Variants in NEK1 observed in about 807,000 individuals in gnomAD.
NEK1 encodes the protein serine/threonine-protein kinase Nek1.
In NEK1, 137 loss-of-function variants were observed where a neutral mutation model predicts 182.1. The ratio of observed to expected loss-of-function variants is 0.75; its 90% CI spans 0.65 to 0.87. The LOEUF (loss-of-function observed/expected upper bound fraction) is 0.87. NEK1 is among the 40% of genes least tolerant of loss of function. The pLI is 0.00. For synonymous variants in NEK1, 513 were observed against 492.2 expected, an observed-to-expected ratio of 1.04 and a Z score of -0.56; for missense variants, 1,391 against 1,494.4, an observed-to-expected ratio of 0.93 and a Z score of 1.14.
intron 26 of NEK1, among the ~76,000 whole-genome samples, chr4:169,470,518 G>T (rs531464401): frequency 6.6e-6 from 1 of 152,326 alleles, no homozygotes; most frequent in African/African-American, 2.4e-5. Flanking sequence ...CCCTTTGGGG[G>T]TAATCCAACC....
chr4:169,608,699 G>A (rs1262418381), intron 2 of NEK1, among the ~76,000 whole-genome samples: 5 of 152,106 alleles, frequency 3.3e-5, no homozygotes, highest in African/African-American at 9.7e-5. Context: ...GAAGTTAAAC[G>A]TTAACACTGA....
intron 29 of NEK1, among the ~76,000 whole-genome samples, chr4:169,429,977 ATTATT>A (rs1737119815): frequency 6.6e-6 from 1 of 152,138 alleles, no homozygotes; most frequent in African/African-American, 2.4e-5. Flanking sequence ...AATGGAAATG[ATTATT>A]TTATTTCTTC....
Position 169,500,928 on chromosome 4 carries a change from T to A in NEK1, c.2007+6109A>T, listed in dbSNP as rs1752316111. On this transcript the variant is annotated intron_variant, in intron 23 of 35. Coordinates refer to ENST00000507142, the MANE Select transcript of NEK1 (RefSeq NM_001199397.3). ...TATCAGTATTAACGCTGAACATAAA[T>A]GGCCTAAATGCTTCACTACAAACAC... Among the ~76,000 whole-genome samples the A allele has an allele frequency of 3.3e-5, 5 of 152,164 alleles. No individual in the cohort carries two copies. The South Asian group carries it at 1.0e-3, about 32-fold the overall frequency.
intron 12 of NEK1, among the ~76,000 whole-genome samples, chr4:169,571,895 A>ATTTTTTTTTTT (rs57480182): frequency 7.3e-6 from 1 of 137,206 alleles, no homozygotes; most frequent in African/African-American, 2.8e-5. Context: ...TGCCCAGCTA[A>ATTTTTTTTTTT]TTTTTTTTTT....
chr4:169,551,949 C>T (rs1461679631), intron 18 of NEK1, among the ~76,000 whole-genome samples: 2 of 151,640 alleles, frequency 1.3e-5, no homozygotes, highest in Admixed American at 6.6e-5. Context: ...AACAGAAATA[C>T]GTGAAAATTC....
chr4:169,442,358 T>C (rs544935928), intron 27 of NEK1, among the ~76,000 whole-genome samples: 2 of 152,180 alleles, frequency 1.3e-5, no homozygotes, highest in African/African-American at 2.4e-5. Context: ...AAAGAAATCA[T>C]ATGAAGACTG....
At chr4:169,406,812 A>C in intron 31 of NEK1, 65 bp from the exon 32 acceptor site, 1 of 1,343,278 alleles carries the variant, frequency 7.4e-7, no homozygotes, top group Non-Finnish European at 1.0e-6. Flanking sequence ...AATGAGAGAA[A>C]ACTAGAACTA....
At chr4:169,590,176 C>T (rs1319479324) in intron 6 of NEK1, among the ~76,000 whole-genome samples, 1 of 152,058 alleles carries the variant, frequency 6.6e-6, no homozygotes. Context: ...GGCATGGTGG[C>T]AGGTGCCTGC....
At chr4:169,457,386 T>C (rs760790969) in intron 27 of NEK1, among the ~76,000 whole-genome samples, 5 of 150,884 alleles carry the variant, frequency 3.3e-5, no homozygotes, top group Non-Finnish European at 7.4e-5. Flanking sequence ...AAAAGAGCAA[T>C]TGACTGAGAG....
chr4:169,577,704 A>G (rs1335226422), intron 11 of NEK1, among the ~76,000 whole-genome samples: 1 of 152,052 alleles, frequency 6.6e-6, no homozygotes, highest in Non-Finnish European at 1.5e-5. Flanking sequence ...CAGTGAGCCG[A>G]GATTGCGCCA....
At chr4:169,400,026 T>C in intron 35 of NEK1, 199 bp downstream of exon 35, 1 of 623,924 alleles carries the variant, frequency 1.6e-6, no homozygotes, top group Non-Finnish European at 2.8e-6. Flanking sequence ...AATATGGACT[T>C]AAAGGACTTA....
chr4:169,505,171 T>C (rs1753039672), intron 23 of NEK1, among the ~76,000 whole-genome samples: 1 of 152,110 alleles, frequency 6.6e-6, no homozygotes, highest in Non-Finnish European at 1.5e-5. Flanking sequence ...ATTTTATCCT[T>C]TCTATATATG....
intron 31 of NEK1, among the ~76,000 whole-genome samples, chr4:169,409,287 G>A (rs953047152): frequency 6.6e-6 from 1 of 151,874 alleles, no homozygotes; most frequent in African/African-American, 2.4e-5. Flanking sequence ...TGGGACTACA[G>A]GCGCCCTACA....
intron 27 of NEK1, among the ~76,000 whole-genome samples, chr4:169,443,591 G>A (rs929721458): frequency 6.6e-6 from 1 of 151,788 alleles, no homozygotes; most frequent in Admixed American, 6.6e-5. Flanking sequence ...AAAGAGATGG[G>A]CAAGGACATA....
At chr4:169,398,587 G>A (rs1731113090) in intron 35 of NEK1, among the ~76,000 whole-genome samples, 1 of 152,066 alleles carries the variant, frequency 6.6e-6, no homozygotes, top group South Asian at 2.1e-4. Flanking sequence ...CCTGTTTTTA[G>A]AAAATGTGGA....
chr4:169,409,366 GATCTCCTGACCTC>G (rs1554022963), intron 31 of NEK1, among the ~76,000 whole-genome samples: 1 of 151,900 alleles, frequency 6.6e-6, no homozygotes, highest in Non-Finnish European at 1.5e-5. Flanking sequence ...GGATGGTCTC[GATCTCCTGACCTC>G]ATGATCTGCC....
intron 23 of NEK1, among the ~76,000 whole-genome samples, chr4:169,484,325 C>T (rs1441605622): frequency 6.6e-6 from 1 of 152,190 alleles, no homozygotes; most frequent in Admixed American, 6.5e-5. Flanking sequence ...GGATTACAGG[C>T]GTGAGCCACC....
intron 26 of NEK1, among the ~76,000 whole-genome samples, chr4:169,472,565 G>T (rs545533134): frequency 2.6e-5 from 4 of 152,306 alleles, no homozygotes; most frequent in African/African-American, 9.6e-5. Context: ...CTGCAGACCA[G>T]AGCTGTTCTT....
intron 23 of NEK1, among the ~76,000 whole-genome samples, chr4:169,505,696 G>C (rs1753134168): frequency 6.6e-6 from 1 of 152,188 alleles, no homozygotes; most frequent in Non-Finnish European, 1.5e-5. Flanking sequence ...AGGAACTGTT[G>C]TTACTATGAT....
Sources: allele counts gnomAD v4.1 joint callset (sites outside exome capture counted in the v4.1 genomes callset), GRCh38; gene constraint gnomAD v4.1.1; transcripts MANE v1.5; gene names NCBI Gene and HGNC (gene_info 2026-07-23, HGNC 2026-07-21).